The following EPHA6 variants were observed in gnomAD, a reference collection of about 807,000 sequenced individuals.
The protein encoded by EPHA6 is ephrin type-A receptor 6.
In EPHA6, 50 loss-of-function variants were observed where a neutral mutation model predicts 112.0. That is an observed-to-expected ratio of 0.45 (90% CI 0.36 to 0.56). The LOEUF (loss-of-function observed/expected upper bound fraction) is 0.56, where lower values mean the gene tolerates loss of function less well. Among genes scored for constraint, EPHA6 ranks in the 20% least tolerant of loss-of-function variants. The pLI, the probability that EPHA6 is intolerant of heterozygous loss-of-function variation, is 0.00. For missense variants in EPHA6, 1,280 were observed against 1,417.4 expected, an observed-to-expected ratio of 0.90 and a Z score of 1.56; for synonymous variants, 529 against 490.7, an observed-to-expected ratio of 1.08 and a Z score of -1.03.
At chr3:97,080,055 T>C (rs1413615682) in intron 3 of EPHA6, among the ~76,000 whole-genome samples, 1 of 152,180 alleles carries the variant, frequency 6.6e-6, no homozygotes, top group Non-Finnish European at 1.5e-5. Flanking sequence ...TATTGTGAAA[T>C]GCAGTTTATT....
intron 2 of EPHA6, among the ~76,000 whole-genome samples, chr3:96,934,607 G>A (rs900735176): frequency 1.3e-5 from 2 of 151,136 alleles, no homozygotes; most frequent in Admixed American, 1.3e-4. Flanking sequence ...GTATAACTAT[G>A]TTATAATAAT....
chr3:97,134,216 C>T (rs1393897635), intron 3 of EPHA6, among the ~76,000 whole-genome samples: 2 of 152,010 alleles, frequency 1.3e-5, no homozygotes. Context: ...AATAGCAACT[C>T]TTTCAATATA....
intron 1 of EPHA6, among the ~76,000 whole-genome samples, chr3:96,865,488 T>C (rs367925707): frequency 1.3e-5 from 2 of 151,760 alleles, no homozygotes; most frequent in African/African-American, 4.8e-5. Flanking sequence ...TCAAGACCTG[T>C]CTGCATAGCA....
chr3:97,592,823 T>C (rs1390982079), intron 12 of EPHA6, 86 bp downstream of exon 12: 5 of 1,360,392 alleles, frequency 3.7e-6, no homozygotes, highest in Non-Finnish European at 4.9e-6. Flanking sequence ...ACAAAATGAA[T>C]ATTGCTTAAA....
chr3:97,425,183 G>A (rs564654414), intron 6 of EPHA6, among the ~76,000 whole-genome samples: 1 of 150,848 alleles, frequency 6.6e-6, no homozygotes, highest in African/African-American at 2.5e-5. Context: ...CTGGAGGACA[G>A]CGGCCCTCTT....
intron 4 of EPHA6, among the ~76,000 whole-genome samples, chr3:97,240,327 G>C (rs1011872721): frequency 4.0e-4 from 61 of 151,844 alleles, no homozygotes; most frequent in African/African-American, 1.4e-3. Flanking sequence ...TGTAAACTCA[G>C]AAATATGAAT....
intron 6 of EPHA6, among the ~76,000 whole-genome samples, chr3:97,440,288 A>C (rs1480967722): frequency 6.6e-6 from 1 of 152,122 alleles, no homozygotes; most frequent in Admixed American, 6.6e-5. Flanking sequence ...TGTTGGAAAT[A>C]TAAGGCCAAA....
intron 3 of EPHA6, among the ~76,000 whole-genome samples, chr3:97,051,166 T>C (rs1473749182): frequency 6.6e-6 from 1 of 152,142 alleles, no homozygotes; most frequent in Non-Finnish European, 1.5e-5. Context: ...AAGCTATCCA[T>C]CACTCATTTG....
intron 3 of EPHA6, among the ~76,000 whole-genome samples, chr3:97,216,227 A>C (rs1500703): frequency 6.6e-6 from 1 of 152,180 alleles, no homozygotes; most frequent in African/African-American, 2.4e-5. Flanking sequence ...GAGCCTGTAC[A>C]TCACATGGTG....
intron 4 of EPHA6, among the ~76,000 whole-genome samples, chr3:97,228,728 T>C (rs1410275615): frequency 1.3e-5 from 2 of 152,138 alleles, no homozygotes; most frequent in African/African-American, 2.4e-5. Context: ...TCTGGGTAGA[T>C]AGATACCTAG....
At chr3:97,135,555 T>A (rs1173926926) in intron 3 of EPHA6, among the ~76,000 whole-genome samples, 1 of 151,880 alleles carries the variant, frequency 6.6e-6, no homozygotes, top group Admixed American at 6.6e-5. Context: ...ATTGTAAGAG[T>A]CTATTAGAGC....
intron 2 of EPHA6, among the ~76,000 whole-genome samples, chr3:96,980,499 T>G (rs2042721685): frequency 1.3e-5 from 2 of 152,008 alleles, no homozygotes; most frequent in East Asian, 1.9e-4. Context: ...GCCTCCAGCT[T>G]TGTTCTTTTG....
At chr3:97,622,393 A>G (rs986351596) in intron 13 of EPHA6, among the ~76,000 whole-genome samples, 1 of 151,816 alleles carries the variant, frequency 6.6e-6, no homozygotes, top group Non-Finnish European at 1.5e-5. Flanking sequence ...TAATGTCCTC[A>G]AAGTTCAGTC....
At chr3:97,719,079 G>GCCC (rs1221687957) in intron 14 of EPHA6, among the ~76,000 whole-genome samples, 2 of 41,114 alleles carry the variant, frequency 4.9e-5, no homozygotes, top group Non-Finnish European at 5.9e-5. Flanking sequence ...ATCCGTTCCC[G>GCCC]CCCCCCCCAC....
At chr3:97,708,135 G>A (rs1477522646) in intron 14 of EPHA6, among the ~76,000 whole-genome samples, 1 of 152,234 alleles carries the variant, frequency 6.6e-6, no homozygotes, top group East Asian at 1.9e-4. Context: ...GAAGGAGACA[G>A]AAAGATGTGG....
chr3:96,972,520 C>G lies in EPHA6; in HGVS notation c.451-14810C>G, dbSNP rs186861127. ...TGTTTCTCCAACAGTCCCAGTCTTC[C>G]GTGTTATTAGAATATTTCCTTTTCT... On this transcript the variant is annotated intron_variant, in intron 2 of 17. Transcript: ENST00000389672. Among the ~76,000 whole-genome samples, 47 of 151,810 alleles carry G rather than the reference C, an allele frequency of 3.1e-4. No individual in the cohort carries two copies. The East Asian group carries it at 9.1e-3, about 30-fold the overall frequency.
At chr3:97,403,702 T>G (rs1214355488) in intron 5 of EPHA6, among the ~76,000 whole-genome samples, 1 of 152,214 alleles carries the variant, frequency 6.6e-6, no homozygotes, top group Non-Finnish European at 1.5e-5. Context: ...CGCCTCGGCC[T>G]CCCAAAGTGC....
intron 5 of EPHA6, among the ~76,000 whole-genome samples, chr3:97,307,281 A>T (rs1157788901): frequency 2.0e-5 from 3 of 151,784 alleles, no homozygotes; most frequent in Non-Finnish European, 4.4e-5. Context: ...AATTGATGAA[A>T]TTCCATACAA....
intron 10 of EPHA6, among the ~76,000 whole-genome samples, chr3:97,520,387 T>C (rs934382166): frequency 6.6e-6 from 1 of 152,208 alleles, no homozygotes; most frequent in African/African-American, 2.4e-5. Context: ...CTATTGCTTC[T>C]AGGGCCCGTG....
Sources: allele counts gnomAD v4.1 joint callset (sites outside exome capture counted in the v4.1 genomes callset), GRCh38; gene constraint gnomAD v4.1.1; transcripts MANE v1.5; gene names NCBI Gene and HGNC (gene_info 2026-07-23, HGNC 2026-07-21).